KHDRBS2: variants seen among roughly 807,000 people sequenced by gnomAD.
KHDRBS2 encodes the protein KH domain-containing, RNA-binding, signal transduction-associated protein 2.
In KHDRBS2, 26 loss-of-function variants were observed where a neutral mutation model predicts 44.3. That is an observed-to-expected ratio of 0.59 (90% CI 0.43 to 0.81). KHDRBS2 has a LOEUF of 0.81. Ranked by LOEUF, KHDRBS2 falls within the 40% of genes least tolerant of loss-of-function variation. The pLI is 0.00. For synonymous variants in KHDRBS2, 194 were observed against 151.1 expected, an observed-to-expected ratio of 1.28 and a Z score of -2.08; for missense variants, 476 against 433.1, an observed-to-expected ratio of 1.10 and a Z score of -0.88.
rs189311797 is a variant in KHDRBS2, at chr6:62,081,831, C to T, written c.220-33837G>A. The stretch of plus-strand genomic sequence containing the variant: ...TTAGATGTTCATACATTTTTGGACA[C>T]TTTTTGGGAGAAAAAAGAGAAATTA... On this transcript the variant is annotated intron_variant, in intron 2 of 8. Coordinates refer to ENST00000281156, the MANE Select transcript of KHDRBS2 (RefSeq NM_152688.4). Among the ~76,000 whole-genome samples the T allele has an allele frequency of 3.8e-3, 583 of 151,872 alleles. 2 individuals carry two copies. Among genetic ancestry groups the T allele is most frequent in the African/African-American group, 0.014 (564 of 41,456 alleles).
the KHDRBS2 span, among the ~76,000 whole-genome samples, chr6:61,627,352 G>A: frequency 1.3e-5 from 2 of 151,896 alleles, no homozygotes; most frequent in African/African-American, 2.4e-5. Flanking sequence ...CCACGTGATA[G>A]GAGTGTTTGT....
chr6:61,848,486 T>A (rs937280104), intron 6 of KHDRBS2, among the ~76,000 whole-genome samples: 8 of 45,826 alleles, frequency 1.7e-4, no homozygotes, highest in African/African-American at 1.2e-3. Context: ...TATATATATA[T>A]ATATGTATAT....
intron 3 of KHDRBS2, among the ~76,000 whole-genome samples, chr6:62,045,288 A>G (rs1275265787): frequency 2.0e-5 from 3 of 152,160 alleles, no homozygotes; most frequent in East Asian, 3.9e-4. Context: ...TATAGTTGTC[A>G]TAATAGTTTT....
chr6:61,787,383 T>C (rs1562180688), intron 6 of KHDRBS2, among the ~76,000 whole-genome samples: 1 of 151,786 alleles, frequency 6.6e-6, no homozygotes, highest in Non-Finnish European at 1.5e-5. Flanking sequence ...TTCAACTTTC[T>C]TGTAATTTCT....
chr6:62,146,195 C>T (rs1420236874), intron 2 of KHDRBS2, among the ~76,000 whole-genome samples: 1 of 151,790 alleles, frequency 6.6e-6, no homozygotes, highest in East Asian at 1.9e-4. Flanking sequence ...GGCTACTACC[C>T]TCAGAGTATC....
At chr6:61,724,471 T>C (rs935418209) in intron 7 of KHDRBS2, among the ~76,000 whole-genome samples, 3 of 152,044 alleles carry the variant, frequency 2.0e-5, no homozygotes, top group Admixed American at 1.3e-4. Context: ...CAATACTAAC[T>C]TTAAAGGTAA....
At chr6:61,640,795 A>G in the KHDRBS2 span, among the ~76,000 whole-genome samples, 21 of 152,190 alleles carry the variant, frequency 1.4e-4, no homozygotes, top group Non-Finnish European at 2.5e-4. Flanking sequence ...GAATAGACAT[A>G]CCAGAGATCA....
chr6:61,953,422 G>C (rs892254147), intron 4 of KHDRBS2, among the ~76,000 whole-genome samples: 5 of 151,948 alleles, frequency 3.3e-5, no homozygotes, highest in African/African-American at 1.2e-4. Flanking sequence ...ATCTCTGCTT[G>C]TTACATGCAG....
intron 1 of KHDRBS2, among the ~76,000 whole-genome samples, chr6:62,262,489 A>G (rs1461128143): frequency 2.0e-5 from 3 of 151,838 alleles, no homozygotes; most frequent in Non-Finnish European, 3.0e-5. Context: ...GCAAAATCAA[A>G]TACTCATATT....
the KHDRBS2 span, among the ~76,000 whole-genome samples, chr6:61,667,850 G>A: frequency 6.6e-6 from 1 of 150,896 alleles, no homozygotes; most frequent in South Asian, 2.1e-4. Flanking sequence ...AATTAGTGAT[G>A]GAAAATTATG....
At chr6:61,895,319 CA>C (rs34922019) in intron 5 of KHDRBS2, among the ~76,000 whole-genome samples, 4 of 149,760 alleles carry the variant, frequency 2.7e-5, no homozygotes, top group Admixed American at 1.3e-4. Context: ...TGTCATTTAC[CA>C]AAAAAAAAGG....
At chr6:62,260,647 G>T (rs971993596) in intron 1 of KHDRBS2, among the ~76,000 whole-genome samples, 2 of 151,746 alleles carry the variant, frequency 1.3e-5, no homozygotes, top group African/African-American at 4.8e-5. Context: ...GGAATTCCTG[G>T]TGATCTCTTT....
intron 8 of KHDRBS2, among the ~76,000 whole-genome samples, chr6:61,689,560 T>A (rs1767170330): frequency 6.6e-6 from 1 of 151,876 alleles, no homozygotes; most frequent in South Asian, 2.1e-4. Flanking sequence ...GAAGTGTAAA[T>A]CTTAGCTCTT....
intron 1 of KHDRBS2, among the ~76,000 whole-genome samples, chr6:62,210,074 C>T (rs570960933): frequency 8.5e-5 from 13 of 152,230 alleles, no homozygotes; most frequent in African/African-American, 2.9e-4. Context: ...CCTACTTGTT[C>T]TGTCCCTCTA....
chr6:61,917,092 T>C (rs555184232), intron 4 of KHDRBS2, among the ~76,000 whole-genome samples: 4 of 151,080 alleles, frequency 2.6e-5, no homozygotes, highest in Non-Finnish European at 5.9e-5. Context: ...ATTGTGCTCG[T>C]TATCTATCCA....
chr6:61,665,364 A>G, the KHDRBS2 span, among the ~76,000 whole-genome samples: 58,952 of 151,104 alleles, frequency 0.39, 11,739 homozygotes, highest in East Asian at 0.49. Context: ...TTTTAAGTGT[A>G]AGAGGAGTTG....
intron 3 of KHDRBS2, among the ~76,000 whole-genome samples, chr6:61,996,855 C>A (rs1465136937): frequency 6.9e-6 from 1 of 145,934 alleles, no homozygotes; most frequent in African/African-American, 2.5e-5. Context: ...ATGATCTCGG[C>A]TCACTGCAAC....
the KHDRBS2 span, among the ~76,000 whole-genome samples, chr6:61,594,464 C>T: frequency 2.0e-5 from 3 of 151,900 alleles, no homozygotes; most frequent in Non-Finnish European, 2.9e-5. Flanking sequence ...CTTGAAGACA[C>T]AATACTTTAG....
At chr6:61,563,947 C>T in the KHDRBS2 span, among the ~76,000 whole-genome samples, 9 of 152,104 alleles carry the variant, frequency 5.9e-5, no homozygotes, top group Admixed American at 2.6e-4. Context: ...AATGAGAGTC[C>T]GCTTATGACC....
Sources: allele counts gnomAD v4.1 joint callset (sites outside exome capture counted in the v4.1 genomes callset), GRCh38; gene constraint gnomAD v4.1.1; transcripts MANE v1.5; gene names NCBI Gene and HGNC (gene_info 2026-07-23, HGNC 2026-07-21).